The following KCTD18 variants were observed in gnomAD, a reference collection of about 807,000 sequenced individuals.
The protein encoded by KCTD18 is BTB/POZ domain-containing protein KCTD18.
Under a neutral mutation model 30.4 loss-of-function variants are expected in KCTD18, and 22 were observed. The observed-to-expected ratio is 0.72, with a 90% CI of 0.52 to 1.03. KCTD18 has a LOEUF of 1.03. Ranked by LOEUF, KCTD18 falls within the 50% of genes least tolerant of loss-of-function variation. KCTD18 has a pLI of 0.00. For synonymous variants in KCTD18, 186 were observed against 209.0 expected (o/e 0.89, Z 0.95); for missense variants, 529 against 547.6 (o/e 0.97, Z 0.34).
chr2:200,494,035 G>GT (rs1313189014), intron 5 of KCTD18, among the ~76,000 whole-genome samples: 8 of 152,204 alleles, frequency 5.3e-5, no homozygotes, highest in African/African-American at 1.9e-4. Context: ...AATCTGTTAT[G>GT]TTTTTTATTA....
intron 3 of KCTD18, among the ~76,000 whole-genome samples, chr2:200,502,077 A>T (rs1368866688): frequency 6.6e-6 from 1 of 151,958 alleles, no homozygotes; most frequent in East Asian, 1.9e-4. Flanking sequence ...TATAGGTGGG[A>T]ATTGAACAAT....
rs200202417 is a variant in KCTD18, at chr2:200,490,482, G to A, written c.899C>T (p.Ala300Val). 3 of 1,612,600 alleles carry A rather than the reference G, an allele frequency of 1.9e-6. No homozygotes were observed. The highest frequency in any genetic ancestry group is 1.3e-5 in the African/African-American group (1 of 75,050). Residue 300 changes from alanine to valine, a missense_variant, in exon 7 of 7, where the codon GCC becomes GTC. Physicochemically the swap from Ala to Val is moderately conservative, Grantham distance 64. Coordinates refer to ENST00000359878, the MANE Select transcript of KCTD18 (RefSeq NM_152387.4). ...KNSASVTVSP[A>V]SAIQTSAGAT... The stretch of plus-strand genomic sequence containing the variant: ...CCCAGCCGACGTCTGGATGGCACTG[G>A]CTGGAGACACCGTGACTGAGGCCGA...
intron 3 of KCTD18, among the ~76,000 whole-genome samples, chr2:200,502,300 T>A (rs1348567227): frequency 6.6e-6 from 1 of 151,064 alleles, no homozygotes; most frequent in Non-Finnish European, 1.5e-5. Context: ...ATAATAAATT[T>A]AAAAAAAAGA....
chr2:200,489,809 T>A lies in KCTD18; in HGVS notation c.*291A>T, dbSNP rs140704895. 14 of 360,080 alleles carry A rather than the reference T, an allele frequency of 3.9e-5. No individual in the cohort carries two copies. Among genetic ancestry groups the A allele is most frequent in the Non-Finnish European group, 6.5e-5 (13 of 200,520 alleles). 22.3% of individuals were successfully genotyped at this position (360,080 alleles called of 1,614,324 possible). Reference sequence around the variant, plus strand: ...AAAGTGGACCTCTCTAGAGATTATTTGTTGTACTGTCTTGTTGCCTTAATA... The same window carrying A: ...AAAGTGGACCTCTCTAGAGATTATTAGTTGTACTGTCTTGTTGCCTTAATA... On this transcript the variant is annotated 3_prime_UTR_variant, in exon 7 of 7. Transcript: ENST00000359878.
At chr2:200,492,362 C>A (rs62279312) in intron 6 of KCTD18, among the ~76,000 whole-genome samples, 22,894 of 152,108 alleles carry the variant, frequency 0.15, 2,022 homozygotes, top group African/African-American at 0.21. Context: ...AATCACCCCT[C>A]GTTGAGAACC....
At chr2:200,508,245 A>G (rs1447719200) in intron 1 of KCTD18, among the ~76,000 whole-genome samples, 3 of 152,146 alleles carry the variant, frequency 2.0e-5, no homozygotes, top group Non-Finnish European at 4.4e-5. Flanking sequence ...ATACACCATC[A>G]TGCCGGGCTA....
At chr2:200,491,274 T>C (rs1043845950) in intron 6 of KCTD18, among the ~76,000 whole-genome samples, 5 of 152,178 alleles carry the variant, frequency 3.3e-5, no homozygotes, top group South Asian at 2.1e-4. Context: ...CTGCTTCCCT[T>C]CACCTTCTGC....
intron 4 of KCTD18, 134 bp from the exon 5 acceptor site, chr2:200,497,981 G>A: frequency 1.5e-6 from 1 of 654,550 alleles, no homozygotes. Flanking sequence ...TAGTTGTTCT[G>A]TGATCCTTAA....
chr2:200,504,573 C>T (rs541790979), intron 3 of KCTD18, among the ~76,000 whole-genome samples, 175 bp downstream of exon 3: 2 of 151,232 alleles, frequency 1.3e-5, no homozygotes, highest in East Asian at 3.9e-4. Flanking sequence ...TGGCAATATA[C>T]TTTCCAAGAA....
At chr2:200,504,039 A>G (rs867285513) in intron 3 of KCTD18, among the ~76,000 whole-genome samples, 8 of 152,228 alleles carry the variant, frequency 5.3e-5, no homozygotes, top group Non-Finnish European at 1.2e-4. Context: ...AATTAGTAAC[A>G]AACTACTACA....
At position 200,489,953 on chromosome 2, in the gene KCTD18, A is replaced by G. The variant is rs16833578; in HGVS notation, c.*147T>C. 74,852 of 827,084 alleles carry G rather than the reference A, an allele frequency of 0.091. 4,181 individuals carry two copies. Among genetic ancestry groups the G allele is most frequent in the East Asian group, 0.26 (9,377 of 36,422 alleles). The allele number at this position is 827,084 out of a possible 1,614,324, so 51.2% of individuals were successfully genotyped here. A position where few individuals can be genotyped will look rare whatever the true frequency, so the allele number is the denominator to read the frequency against. On this transcript the variant is annotated 3_prime_UTR_variant, in exon 7 of 7. Coordinates refer to ENST00000359878, the MANE Select transcript of KCTD18 (RefSeq NM_152387.4). ...AACCATTGAAAGTCTCCCCTCCTCC[A>G]TTCCTAGCTCACACAATTCCAGGAA...
In KCTD18 at chr2:200,504,848, T is replaced by C; in HGVS notation, c.272A>G (p.Glu91Gly). The C allele has an allele frequency of 6.2e-7, 1 of 1,614,186 alleles. No homozygotes were observed. The highest frequency in any genetic ancestry group is 8.5e-7 in the Non-Finnish European group (1 of 1,180,008). Reference sequence around the variant, plus strand: ...ATAAGGGATGCCAAAGTAATCAGCCTCTTCCTGTAGGGCGATGCGGGTTTG... The same window carrying C: ...ATAAGGGATGCCAAAGTAATCAGCCCCTTCCTGTAGGGCGATGCGGGTTTG... ...DEQTRIALQE[E>G]ADYFGIPYPY... Residue 91 changes from glutamate (E) to glycine (G), a missense_variant, in exon 3 of 7, where the codon GAG (glutamate) becomes GGG (glycine). Physicochemically the swap from Glu to Gly is moderately conservative, Grantham distance 98 (BLOSUM62 -2). Transcript: ENST00000359878.
chr2:200,505,281 C>A (rs2030129318), intron 2 of KCTD18, among the ~76,000 whole-genome samples: 1 of 152,284 alleles, frequency 6.6e-6, no homozygotes, highest in South Asian at 2.1e-4. Context: ...ACCAGGGTTG[C>A]CATGTTTGGT....
chr2:200,498,949 T>C lies in KCTD18; in HGVS notation c.508A>G (p.Thr170Ala), dbSNP rs1254636676. 2 of 1,614,172 alleles carry C rather than the reference T, an allele frequency of 1.2e-6. No individual in the cohort carries two copies. Among genetic ancestry groups the C allele is most frequent in the Non-Finnish European group, 1.7e-6 (2 of 1,179,996 alleles). ...CCCAGCTGCTTTTCAATAGCGTCTG[T>C]TCCATCAGTTTTTGTGGCATATACA... is the stretch of plus-strand genomic sequence containing the variant. ...IGVYATKTDG[T>A]DAIEKQLGGR... Residue 170 changes from threonine (T) to alanine (A), a missense_variant, in exon 4 of 7, where the codon ACA becomes GCA. Transcript: ENST00000359878.
rs969715059 is a variant in KCTD18 at position 200,509,782 on chromosome 2, G to A, written c.-230C>T. The A allele has an allele frequency of 2.0e-5, 3 of 152,326 alleles. No homozygotes were observed. Among genetic ancestry groups the A allele is most frequent in the African/African-American group, 7.2e-5 (3 of 41,588 alleles). The allele number at this position is 152,326 out of a possible 1,614,324, so 9.4% of individuals were successfully genotyped here. On this transcript the variant is annotated 5_prime_UTR_variant, in exon 1 of 7. Transcript: ENST00000359878. ...GGCTCACACTCCTCTTCCGAAGCGG[G>A]AAGAGCCGGGAGGAGCTGGGGAGCC...
chr2:200,497,982 T>C (rs2088022260), intron 4 of KCTD18, 135 bp from the exon 5 acceptor site: 2 of 654,546 alleles, frequency 3.1e-6, no homozygotes, highest in East Asian at 5.2e-5. Context: ...AGTTGTTCTG[T>C]GATCCTTAAG....
rs1234351190 is a variant in KCTD18, at chr2:200,504,947, A to G, written c.173T>C (p.Ile58Thr). The change falls in exon 3 of 7, where the codon ATT (isoleucine) becomes ACT (threonine). Residue 58 changes from isoleucine to threonine, a missense_variant. Transcript: ENST00000359878. The stretch of plus-strand genomic sequence containing the variant: ...TTTAAATAGACGTCCATCACGGTCA[A>G]TAACACAAGCCCCTAGAAAACATTC... ...LKTDESGACV[I>T]DRDGRLFKYL... The G allele has an allele frequency of 3.1e-6, 5 of 1,613,634 alleles. No individual in the cohort carries two copies. The highest frequency in any genetic ancestry group is 3.4e-6 in the Non-Finnish European group (4 of 1,179,662).
In KCTD18 at chr2:200,506,754, G is replaced by A. The variant is rs2030220575; in HGVS notation, c.160+103C>T. ...AGAGTCCTAATGATCTCAGTAATTA[G>A]TATAGTCATCTAGTACATTTCGCTG... On this transcript the variant is annotated intron_variant, in intron 2 of 6. Transcript: ENST00000359878. 9.1e-6 allele frequency: 9 copies of A among 991,750 alleles called. No homozygotes were observed. The East Asian group carries it at 2.2e-4, about 24-fold the overall frequency. The allele number at this position is 991,750 out of a possible 1,614,324, so 61.4% of individuals were successfully genotyped here. A position where few individuals can be genotyped will look rare whatever the true frequency, so the allele number is the denominator to read the frequency against.
chr2:200,501,937 C>T (rs1199670319), intron 3 of KCTD18, among the ~76,000 whole-genome samples: 2 of 151,494 alleles, frequency 1.3e-5, no homozygotes, highest in Non-Finnish European at 2.9e-5. Context: ...CACATATACA[C>T]CATGGAATAC....
Sources: gnomAD v4.1 joint callset for allele counts (sites outside exome capture counted in the v4.1 genomes callset) on GRCh38, gnomAD v4.1.1 for gene constraint, MANE v1.5 for transcripts, NCBI Gene and HGNC (gene_info 2026-07-23, HGNC 2026-07-21) for gene names.